Variants in TRPC5 observed in about 807,000 individuals in gnomAD.
TRPC5 encodes the protein transient receptor potential cation channel subfamily C member 5, also known as short transient receptor potential channel 5.
TRPC5 carries 9 observed loss-of-function variants against 56.5 expected under a neutral mutation model. The ratio of observed to expected loss-of-function variants is 0.16; its 90% confidence interval spans 0.10 to 0.28. The LOEUF is 0.28. Ranked by LOEUF, TRPC5 falls within the 10% of genes least tolerant of loss-of-function variation. The probability of loss-of-function intolerance (pLI) is 1.00; values close to 1 mark genes in which losing one functional copy is unlikely to be tolerated. For missense variants in TRPC5, 469 were observed against 748.9 expected (o/e 0.63, Z 4.36); for synonymous variants, 282 against 278.5 (o/e 1.01, Z -0.13).
intron 1 of TRPC5, among the ~76,000 whole-genome samples, chrX:111,954,846 G>A (rs1469603370): frequency 9.0e-6 from 1 of 111,553 alleles, no homozygotes; most frequent in Admixed American, 9.6e-5. Context: ...TAACTCAATC[G>A]GTGTCCTATT....
At chrX:112,072,700 A>G (rs1365523742) in intron 1 of TRPC5, among the ~76,000 whole-genome samples, 1 of 112,188 alleles carries the variant, frequency 8.9e-6, no homozygotes, top group Non-Finnish European at 1.9e-5. Context: ...TCCAACTTTA[A>G]AGCTAAGATG....
intron 2 of TRPC5, among the ~76,000 whole-genome samples, chrX:111,916,826 C>G (rs1481227743): frequency 8.9e-6 from 1 of 112,566 alleles, no homozygotes; most frequent in Non-Finnish European, 1.9e-5. Flanking sequence ...GTGTGCAGGC[C>G]AAGCAAAATA....
At chrX:111,867,700 C>A (rs950259671) in intron 3 of TRPC5, among the ~76,000 whole-genome samples, 19 of 111,896 alleles carry the variant, frequency 1.7e-4, no homozygotes, top group African/African-American at 6.2e-4. Flanking sequence ...TGAAAAAATT[C>A]TTCATTCCGT....
At chrX:111,970,775 G>GTTTTTTTT (rs761229610) in intron 1 of TRPC5, among the ~76,000 whole-genome samples, 1 of 93,016 alleles carries the variant, frequency 1.1e-5, no homozygotes, top group Non-Finnish European at 2.1e-5. Context: ...TCACATTACC[G>GTTTTTTTT]TTTTTTTTTT....
At chrX:112,048,261 C>T (rs142111553) in intron 1 of TRPC5, among the ~76,000 whole-genome samples, 9,415 of 110,560 alleles carry the variant, frequency 0.085, 379 homozygotes, top group African/African-American at 0.15. Flanking sequence ...ATTAGCTGGG[C>T]GTCGTGGCGT....
At position 111,776,554 on chromosome X, in the gene TRPC5, C is replaced by T. The variant is rs1945880163; in HGVS notation, c.2681G>A (p.Cys894Tyr). ...SQMEKGKAEA[C>Y]SQSEINLSEV... ...ACTGAGGTTAATTTCACTTTGAGAA[C>T]AGGCCTCTGCTTTCCCTTTCTCCAT... Residue 894 changes from cysteine to tyrosine, a missense_variant, in exon 11 of 11, where the codon TGT (cysteine) becomes TAT (tyrosine). Around this residue, in one of 3 missense-constraint regions of TRPC5, gnomAD observed 194 missense variants for 221.8 expected, o/e 0.87. Coordinates refer to ENST00000262839, the MANE Select transcript of TRPC5 (RefSeq NM_012471.3). 1 of 1,211,748 alleles carries T rather than the reference C, an allele frequency of 8.3e-7. No individual in the cohort carries two copies. Among genetic ancestry groups the T allele is most frequent in the African/African-American group, 1.7e-5 (1 of 57,877 alleles).
chrX:111,901,562 G>T, intron 3 of TRPC5: 1 of 197,746 alleles, frequency 5.1e-6, no homozygotes, highest in Non-Finnish European at 9.2e-6. Context: ...GTTTTCTCTT[G>T]GCTGTGACAG....
intron 3 of TRPC5, among the ~76,000 whole-genome samples, chrX:111,896,822 T>TA (rs1925088460): frequency 8.9e-6 from 1 of 111,991 alleles, no homozygotes; most frequent in South Asian, 3.8e-4. Context: ...CATCTTTACT[T>TA]ATGTGATCAT....
intron 1 of TRPC5, among the ~76,000 whole-genome samples, chrX:111,954,039 GA>G (rs1569528543): frequency 8.9e-6 from 1 of 112,231 alleles, no homozygotes; most frequent in African/African-American, 3.2e-5. Flanking sequence ...ACTGCCTGAA[GA>G]AGCACTGATA....
At chrX:111,778,626 T>C (rs1200877637) in intron 10 of TRPC5, among the ~76,000 whole-genome samples, 1 of 112,231 alleles carries the variant, frequency 8.9e-6, no homozygotes, top group Non-Finnish European at 1.9e-5. Context: ...CTTATATCTT[T>C]TAAGTAAAGA....
intron 7 of TRPC5, among the ~76,000 whole-genome samples, chrX:111,831,324 T>C (rs1030064565): frequency 6.2e-5 from 7 of 112,214 alleles, no homozygotes; most frequent in Non-Finnish European, 1.3e-4. Flanking sequence ...GTTAAAATCA[T>C]GGTATTGTGT....
chrX:111,880,740 T>C (rs183714577), intron 3 of TRPC5, among the ~76,000 whole-genome samples: 20 of 112,484 alleles, frequency 1.8e-4, no homozygotes, highest in Middle Eastern at 4.7e-3. Flanking sequence ...AACTAAATAA[T>C]ATAGCCAAGG....
At chrX:111,812,551 C>T (rs776913113) in intron 7 of TRPC5, among the ~76,000 whole-genome samples, 66 of 111,155 alleles carry the variant, frequency 5.9e-4, no homozygotes, top group African/African-American at 2.1e-3. Context: ...TTTTTTGATT[C>T]CTGTGTTGAG....
At chrX:111,894,769 C>T (rs189446073) in intron 3 of TRPC5, among the ~76,000 whole-genome samples, 4 of 111,106 alleles carry the variant, frequency 3.6e-5, no homozygotes, top group Non-Finnish European at 5.7e-5. Context: ...TAGTAAATTG[C>T]GCAAATTTTA....
At chrX:111,999,703 C>T (rs953666473) in intron 1 of TRPC5, among the ~76,000 whole-genome samples, 2 of 112,100 alleles carry the variant, frequency 1.8e-5, no homozygotes, top group East Asian at 2.8e-4. Flanking sequence ...CGGTGGCTCA[C>T]GCCTGTAATC....
At chrX:111,789,308 A>G (rs868820384) in intron 7 of TRPC5, among the ~76,000 whole-genome samples, 2 of 112,161 alleles carry the variant, frequency 1.8e-5, no homozygotes, top group African/African-American at 6.5e-5. Flanking sequence ...AAAACAAGCA[A>G]TGGGGAAAGG....
At chrX:111,863,381 T>A (rs768852861) in intron 3 of TRPC5, among the ~76,000 whole-genome samples, 30 of 112,005 alleles carry the variant, frequency 2.7e-4, no homozygotes, top group Middle Eastern at 4.6e-3. Flanking sequence ...TCTGGTCTGT[T>A]GGGGCCTAGT....
intron 1 of TRPC5, among the ~76,000 whole-genome samples, chrX:111,995,106 A>T (rs1219524618): frequency 1.8e-5 from 2 of 111,761 alleles, no homozygotes; most frequent in African/African-American, 6.5e-5. Flanking sequence ...TGAGTTTGTC[A>T]TAAATAGCTC....
At chrX:112,077,339 T>C (rs1004992244) in intron 1 of TRPC5, among the ~76,000 whole-genome samples, 1 of 112,343 alleles carries the variant, frequency 8.9e-6, no homozygotes, top group Non-Finnish European at 1.9e-5. Context: ...AAAAAGTTTA[T>C]ATTTTATTTT....
Sources: gnomAD v4.1 joint callset for allele counts (sites outside exome capture counted in the v4.1 genomes callset) on GRCh38, gnomAD v4.1.1 for gene constraint, gnomAD v4.1.1 regional missense constraint, MANE v1.5 for transcripts, NCBI Gene and HGNC (gene_info 2026-07-23, HGNC 2026-07-21) for gene names.